SNRPN: variants seen among roughly 807,000 people sequenced by gnomAD.
The protein encoded by SNRPN is small nuclear ribonucleoprotein polypeptide N.
In SNRPN, 7 loss-of-function variants were observed where a neutral mutation model predicts 25.2. That is an observed-to-expected ratio of 0.28 (90% confidence interval 0.16 to 0.52). SNRPN has a LOEUF of 0.52. Ranked by LOEUF, SNRPN falls within the 20% of genes least tolerant of loss-of-function variation. SNRPN has a pLI of 0.96. For synonymous variants in SNRPN, 124 were observed against 110.6 expected, an observed-to-expected ratio of 1.12 and a Z score of -0.76; for missense variants, 196 against 322.5, an observed-to-expected ratio of 0.61 and a Z score of 3.00.
At chr15:24,941,376 A>G (rs1596046835) in intron 3 of SNRPN, among the ~76,000 whole-genome samples, 1 of 152,260 alleles carries the variant, frequency 6.6e-6, no homozygotes, top group East Asian at 1.9e-4. Flanking sequence ...GTAACTGGTC[A>G]GGTGGTCACA....
chr15:24,954,973 G>C, upstream of SNRPN: 1 of 1,600,704 alleles, frequency 6.2e-7, no homozygotes. Flanking sequence ...TGCCGCTGCT[G>C]CAGCGAGTCT....
intron 3 of SNRPN, among the ~76,000 whole-genome samples, chr15:24,935,296 G>A (rs530525410): frequency 1.3e-5 from 2 of 151,010 alleles, no homozygotes; most frequent in Non-Finnish European, 2.9e-5. Context: ...TTCGATTTTT[G>A]TTTAATAGGT....
chr15:24,973,183 C>T lies in SNRPN; in HGVS notation c.-143-1128C>T, dbSNP rs370893874. 2.2e-4 allele frequency among the ~76,000 whole-genome samples: 33 copies of T among 152,256 alleles called. No homozygotes were observed. In the South Asian group the frequency reaches 6.4e-3, roughly 30 times the overall value. Reference sequence around the variant, plus strand: ...GGATTATGGGCGTGAGCCACCACACCCAGCCTCTTCTCTGTTTAACATTGT... The same window carrying T: ...GGATTATGGGCGTGAGCCACCACACTCAGCCTCTTCTCTGTTTAACATTGT... On this transcript the variant is annotated intron_variant, in intron 3 of 9. Transcript: ENST00000390687.
Position 24,918,851 on chromosome 15 carries a change from A to T in SNRPN, c.-504-1160A>T, listed in dbSNP as rs1194970999. Among the ~76,000 whole-genome samples the T allele has an allele frequency of 4.9e-5, 6 of 122,974 alleles. 1 individual carries two copies. The highest frequency in any genetic ancestry group is 9.4e-5 in the Non-Finnish European group (6 of 63,774). 80.7% of individuals were successfully genotyped at this position (122,974 alleles called of 152,430 possible). On this transcript the variant is annotated intron_variant, in intron 2 of 11. Coordinates refer to the SNRPN transcript ENST00000400097. ...ATATATATAATATATATATGCGCAC[A>T]TATATATAACAATATATATATGTGC...
intron 2 of SNRPN, among the ~76,000 whole-genome samples, chr15:24,916,280 A>G (rs1016692230): frequency 3.9e-5 from 6 of 152,120 alleles, no homozygotes; most frequent in Non-Finnish European, 8.8e-5. Flanking sequence ...TATTCTTTTA[A>G]GGAGCAATGT....
intron 3 of SNRPN, among the ~76,000 whole-genome samples, chr15:24,971,305 A>G (rs79183689): frequency 6.6e-6 from 1 of 152,194 alleles, no homozygotes; most frequent in African/African-American, 2.4e-5. Flanking sequence ...TTTCTCATGA[A>G]GTTTTGTTTT....
chr15:24,915,603 A>G (rs1057479780), intron 2 of SNRPN, among the ~76,000 whole-genome samples: 9 of 152,098 alleles, frequency 5.9e-5, no homozygotes, highest in African/African-American at 2.2e-4. Flanking sequence ...CCTTGATGTT[A>G]TTGTCCAATC....
upstream of SNRPN, among the ~76,000 whole-genome samples, chr15:24,953,556 C>T (rs531876034): frequency 5.0e-4 from 76 of 152,266 alleles, 1 homozygote; most frequent in Admixed American, 9.2e-4. Context: ...CTCCTGACCT[C>T]GTGATCTGCC....
chr15:24,930,154 A>G (rs572083126), intron 3 of SNRPN, among the ~76,000 whole-genome samples: 1 of 151,372 alleles, frequency 6.6e-6, no homozygotes, highest in Non-Finnish European at 1.5e-5. Flanking sequence ...AAAAATAAAT[A>G]AATAAAAATA....
intron 2 of SNRPN, chr15:24,909,724 C>G (rs2059088091): frequency 1.6e-6 from 2 of 1,249,990 alleles, no homozygotes; most frequent in East Asian, 4.6e-5. Flanking sequence ...CCAAGCGTTT[C>G]CGAGTATCGT....
chr15:24,950,757 A>G (rs778599519), upstream of SNRPN, among the ~76,000 whole-genome samples: 1 of 151,608 alleles, frequency 6.6e-6, no homozygotes, highest in Non-Finnish European at 1.5e-5. Flanking sequence ...TATGTTGCCC[A>G]GGCTGGTCTC....
intron 2 of SNRPN, among the ~76,000 whole-genome samples, chr15:24,908,376 G>T (rs1035867990): frequency 4.6e-5 from 7 of 152,166 alleles, no homozygotes; most frequent in Admixed American, 4.6e-4. Flanking sequence ...AGGCTAGTTT[G>T]CCATGCATTA....
At chr15:24,844,733 A>T (rs2052035693) in intron 2 of SNRPN, among the ~76,000 whole-genome samples, 1 of 152,176 alleles carries the variant, frequency 6.6e-6, no homozygotes, top group African/African-American at 2.4e-5. Context: ...CATGTTGGCC[A>T]GGCTGGTCTT....
chr15:24,863,581 C>A (rs923192170), intron 1 of SNRPN, among the ~76,000 whole-genome samples: 2 of 150,846 alleles, frequency 1.3e-5, no homozygotes, highest in African/African-American at 5.0e-5. Context: ...TGTACCCTTT[C>A]ATGTGTACCT....
intron 2 of SNRPN, among the ~76,000 whole-genome samples, chr15:24,838,220 A>G (rs1426485801): frequency 6.6e-6 from 1 of 151,452 alleles, no homozygotes; most frequent in Non-Finnish European, 1.5e-5. Context: ...TATTTTTAGT[A>G]GAGACGGGGT....
intron 2 of SNRPN, among the ~76,000 whole-genome samples, chr15:24,834,316 G>T (rs75904743): frequency 0.038 from 5,760 of 152,128 alleles, 358 homozygotes; most frequent in African/African-American, 0.12. Context: ...ACTTGGGAGT[G>T]GGAGACAAGA....
intron 2 of SNRPN, among the ~76,000 whole-genome samples, chr15:24,888,371 G>A (rs2057372551): frequency 6.6e-6 from 1 of 152,124 alleles, no homozygotes; most frequent in Non-Finnish European, 1.5e-5. Flanking sequence ...TTCCCAAAGT[G>A]CTGAGATTAC....
intron 1 of SNRPN, among the ~76,000 whole-genome samples, chr15:24,862,077 G>A (rs962723452): frequency 6.6e-6 from 1 of 150,836 alleles, no homozygotes; most frequent in Admixed American, 6.6e-5. Context: ...AATGACAGCG[G>A]GTTGCAGCGC....
At chr15:24,978,154 A>G (rs376231131) in intron 8 of SNRPN, 39 bp from the exon 9 acceptor site, 6 of 1,597,090 alleles carry the variant, frequency 3.8e-6, no homozygotes, top group Non-Finnish European at 5.1e-6. Context: ...TTTCTAAGCC[A>G]TTTTATGAGG....
Sources: allele counts gnomAD v4.1 joint callset (sites outside exome capture counted in the v4.1 genomes callset), GRCh38; gene constraint gnomAD v4.1.1; transcripts MANE v1.5; gene names NCBI Gene and HGNC (gene_info 2026-07-23, HGNC 2026-07-21).